PCDH7: variants seen among roughly 807,000 people sequenced by gnomAD.
PCDH7 encodes protocadherin 7, also known as protocadherin-7.
In PCDH7, 17 loss-of-function variants were observed where a neutral mutation model predicts 58.9. The ratio of observed to expected loss-of-function variants is 0.29; its 90% CI spans 0.20 to 0.43. The LOEUF is 0.43. Ranked by LOEUF, PCDH7 falls within the 20% of genes least tolerant of loss-of-function variation. PCDH7 has a pLI of 1.00. For synonymous variants in PCDH7, 664 were observed against 616.4 expected, an observed-to-expected ratio of 1.08 and a Z score of -1.14; for missense variants, 1,274 against 1,441.0, an observed-to-expected ratio of 0.88 and a Z score of 1.88.
chr4:30,869,718 AT>A (rs1735313798), intron 1 of PCDH7, among the ~76,000 whole-genome samples: 1 of 152,090 alleles, frequency 6.6e-6, no homozygotes, highest in South Asian at 2.1e-4. Flanking sequence ...AGTCTTTGCT[AT>A]TGGGAACAGT....
intron 2 of PCDH7, among the ~76,000 whole-genome samples, chr4:30,941,417 G>A (rs1746025011): frequency 6.6e-6 from 1 of 151,850 alleles, no homozygotes; most frequent in Admixed American, 6.6e-5. Flanking sequence ...TCTTATTCAA[G>A]ACTGAAGCGT....
intron 2 of PCDH7, among the ~76,000 whole-genome samples, chr4:30,934,227 C>T (rs1745045471): frequency 6.6e-6 from 1 of 152,158 alleles, no homozygotes; most frequent in Non-Finnish European, 1.5e-5. Context: ...TTTTCTTTCG[C>T]TGCCTACGTC....
intron 3 of PCDH7, among the ~76,000 whole-genome samples, chr4:31,139,930 G>A (rs1560262087): frequency 6.6e-6 from 1 of 152,144 alleles, no homozygotes; most frequent in Non-Finnish European, 1.5e-5. Flanking sequence ...CATGCTTCTT[G>A]GATAGAGATG....
chr4:30,906,559 T>C (rs905747545), intron 1 of PCDH7, among the ~76,000 whole-genome samples: 2 of 152,148 alleles, frequency 1.3e-5, no homozygotes, highest in African/African-American at 4.8e-5. Flanking sequence ...ACAGTATAGT[T>C]GAAAAGTCCA....
intron 1 of PCDH7, among the ~76,000 whole-genome samples, chr4:30,872,512 A>C (rs1353989333): frequency 1.3e-5 from 2 of 152,072 alleles, no homozygotes; most frequent in African/African-American, 2.4e-5. Flanking sequence ...ATGTTCCATT[A>C]TAACCTGGAT....
At chr4:30,874,458 C>A (rs1401346325) in intron 1 of PCDH7, among the ~76,000 whole-genome samples, 1 of 148,706 alleles carries the variant, frequency 6.7e-6, no homozygotes, top group Admixed American at 6.8e-5. Context: ...GCAAACACTG[C>A]ATGTTCTCAC....
At chr4:31,087,117 A>G (rs1712539273) in intron 3 of PCDH7, among the ~76,000 whole-genome samples, 1 of 152,128 alleles carries the variant, frequency 6.6e-6, no homozygotes, top group Non-Finnish European at 1.5e-5. Flanking sequence ...GTGGAGTGTG[A>G]TTAATTACAT....
intron 3 of PCDH7, among the ~76,000 whole-genome samples, chr4:31,040,094 T>C (rs1254942262): frequency 6.6e-6 from 1 of 152,228 alleles, no homozygotes; most frequent in Admixed American, 6.5e-5. Context: ...ATTGAAATAA[T>C]GTGCATAATT....
At chr4:30,921,892 G>C (rs542416287) in intron 2 of PCDH7, among the ~76,000 whole-genome samples, 25 of 151,802 alleles carry the variant, frequency 1.6e-4, no homozygotes, top group African/African-American at 5.1e-4. Flanking sequence ...TATGTAATTT[G>C]GATGTCAGCT....
chr4:30,789,213 C>G (rs1231837255), intron 1 of PCDH7, among the ~76,000 whole-genome samples: 2 of 152,108 alleles, frequency 1.3e-5, no homozygotes, highest in African/African-American at 4.8e-5. Context: ...CCTTTTTGTT[C>G]TGCATCGAGT....
At chr4:31,019,406 C>T (rs73214975) in intron 3 of PCDH7, among the ~76,000 whole-genome samples, 12,794 of 152,078 alleles carry the variant, frequency 0.084, 969 homozygotes, top group African/African-American at 0.2. Context: ...GATTAGCCTA[C>T]AGAAATAGGA....
intron 3 of PCDH7, among the ~76,000 whole-genome samples, chr4:31,113,553 A>T (rs751817038): frequency 6.6e-6 from 1 of 152,172 alleles, no homozygotes; most frequent in Admixed American, 6.5e-5. Context: ...GGTATTTTAT[A>T]TGGCTTGTCC....
chr4:30,790,932 AAAACAAAAC>A (rs1724040959), intron 1 of PCDH7, among the ~76,000 whole-genome samples: 1 of 151,528 alleles, frequency 6.6e-6, no homozygotes, highest in East Asian at 2.1e-4. Context: ...CAAAAAAAAC[AAAACAAAAC>A]AAACAAACAA....
At chr4:30,902,430 T>G (rs988524416) in intron 1 of PCDH7, among the ~76,000 whole-genome samples, 9 of 152,160 alleles carry the variant, frequency 5.9e-5, no homozygotes, top group African/African-American at 2.2e-4. Flanking sequence ...ATGCCGACAC[T>G]ATCTTGTTCC....
chr4:30,813,470 G>T (rs1316639450), intron 1 of PCDH7, among the ~76,000 whole-genome samples: 1 of 152,084 alleles, frequency 6.6e-6, no homozygotes, highest in Non-Finnish European at 1.5e-5. Flanking sequence ...ACTGTATAAG[G>T]CACAATCTCT....
In PCDH7 at chr4:30,723,716, C is replaced by T. The variant is rs1714153378; in HGVS notation, c.2294C>T (p.Thr765Ile). ...AGTAATGTCAGGACAGTAGTAGCTA[C>T]AGTGTTGGCAACAGACAGTGATGAT... Residue 765 changes from threonine (T) to isoleucine (I), a missense_variant, in exon 1 of 2, where the codon ACA (threonine) becomes ATA (isoleucine). Coordinates refer to ENST00000361762, the Ensembl canonical transcript of PCDH7. The surrounding 1 kb of genome is among the most constrained non-coding windows in gnomAD (Gnocchi z 4.6). The T allele has an allele frequency of 6.2e-7, 1 of 1,614,168 alleles. No homozygotes were observed.
intron 3 of PCDH7, among the ~76,000 whole-genome samples, chr4:31,004,286 C>A (rs1419853039): frequency 1.3e-5 from 2 of 152,036 alleles, no homozygotes; most frequent in African/African-American, 4.8e-5. Context: ...CGAGCCCCGG[C>A]CTGAAAAAAA....
intron 1 of PCDH7, among the ~76,000 whole-genome samples, chr4:30,777,870 A>G (rs1296867946): frequency 2.6e-5 from 4 of 152,168 alleles, no homozygotes; most frequent in African/African-American, 7.2e-5. Context: ...TCTAGTATAC[A>G]TTTAAAAAAT....
chr4:30,724,609 C>T lies in PCDH7; in HGVS notation c.3174+13C>T. The T allele has an allele frequency of 6.2e-7, 1 of 1,610,578 alleles. No homozygotes were observed. Among genetic ancestry groups the T allele is most frequent in the Non-Finnish European group, 8.5e-7 (1 of 1,177,566 alleles). On this transcript the variant is annotated intron_variant, in intron 1 of 1. Transcript: ENST00000361762. ...GTACAGCAAACAGGTAAGATGTATC[C>T]CAAATATATTTAAATATCCCAGGGA...
Sources: allele counts gnomAD v4.1 joint callset (sites outside exome capture counted in the v4.1 genomes callset), GRCh38; gene constraint gnomAD v4.1.1; non-coding constraint Gnocchi (gnomAD v3.1); transcripts MANE v1.5; gene names NCBI Gene and HGNC (gene_info 2026-07-23, HGNC 2026-07-21).